The following FRMD5 variants were observed in gnomAD, a reference collection of about 807,000 sequenced individuals.
FRMD5 encodes FERM domain containing 5, also known as FERM domain-containing protein 5.
A neutral mutation model predicts 69.0 loss-of-function variants in FRMD5; 20 were observed. The observed-to-expected ratio is 0.29, with a 90% CI of 0.20 to 0.42. The LOEUF (loss-of-function observed/expected upper bound fraction) is 0.42. FRMD5 is among the 10% of genes least tolerant of loss of function. The pLI, the probability that FRMD5 is intolerant of heterozygous loss-of-function variation, is 1.00. For missense variants in FRMD5, 595 were observed against 708.6 expected (o/e 0.84, Z 1.82); for synonymous variants, 271 against 260.1 (o/e 1.04, Z -0.40).
chr15:44,017,773 AT>A (rs959780452), intron 1 of FRMD5, among the ~76,000 whole-genome samples: 2 of 150,636 alleles, frequency 1.3e-5, no homozygotes, highest in African/African-American at 2.4e-5. Context: ...GCCCAGCTAA[AT>A]TTTTTTTTGT....
intron 1 of FRMD5, among the ~76,000 whole-genome samples, chr15:44,127,811 G>T (rs1023806521): frequency 6.6e-6 from 1 of 152,232 alleles, no homozygotes; most frequent in Middle Eastern, 3.4e-3. Context: ...GGTTGAGGCT[G>T]CAGGGAGTTG....
At chr15:43,950,966 G>C in intron 1 of FRMD5, among the ~76,000 whole-genome samples, 1 of 152,122 alleles carries the variant, frequency 6.6e-6, no homozygotes, top group African/African-American at 2.4e-5. Flanking sequence ...TTCTTCCCTC[G>C]AAATGCGGTG....
Position 43,882,444 on chromosome 15 carries a change from C to T in FRMD5, c.1135+1259G>A, listed in dbSNP as rs147593935. ...CACGATCTCAGCTCACTGCAACCTC[C>T]GCCTCCTGGGTTCAAGCAATCCTCT... On this transcript the variant is annotated intron_variant, in intron 13 of 13. Transcript: ENST00000417257. 5.7e-3 allele frequency among the ~76,000 whole-genome samples: 867 copies of T among 152,084 alleles called. 4 individuals are homozygous for T. The highest frequency in any genetic ancestry group is 9.3e-3 in the Non-Finnish European group (631 of 67,970).
chr15:43,887,688 C>A (rs1017986635), intron 10 of FRMD5, among the ~76,000 whole-genome samples: 5 of 152,184 alleles, frequency 3.3e-5, no homozygotes, highest in African/African-American at 1.2e-4. Flanking sequence ...CATCCCAGAG[C>A]AGTTCTCATC....
chr15:44,024,209 A>G (rs1891333599), intron 1 of FRMD5, among the ~76,000 whole-genome samples: 1 of 151,580 alleles, frequency 6.6e-6, no homozygotes, highest in Admixed American at 6.6e-5. Flanking sequence ...ATTTGTTTTA[A>G]CTCCCTATGA....
rs114354677 is a variant in FRMD5 at position 44,064,514 on chromosome 15, G to A, written c.102+130439C>T. On this transcript the variant is annotated intron_variant, in intron 1 of 13. Transcript: ENST00000417257. ...TGAGGCAGGAGAATTGCTTGAACTCGGGATGCGGAGGGTGTGATGAGCCGA... is the reference window on the plus strand; with the variant it reads ...TGAGGCAGGAGAATTGCTTGAACTCAGGATGCGGAGGGTGTGATGAGCCGA... 2.1e-3 allele frequency among the ~76,000 whole-genome samples: 321 copies of A among 152,240 alleles called. 2 individuals are homozygous for A. Among genetic ancestry groups the A allele is most frequent in the African/African-American group, 7.5e-3 (313 of 41,538 alleles).
chr15:43,917,417 G>A (rs191625998), intron 4 of FRMD5, among the ~76,000 whole-genome samples: 100 of 152,156 alleles, frequency 6.6e-4, no homozygotes, highest in African/African-American at 2.2e-3. Context: ...TTGAGACAGA[G>A]TCTCACTGTG....
chr15:44,017,685 A>C (rs376983659), intron 1 of FRMD5, among the ~76,000 whole-genome samples: 1 of 149,496 alleles, frequency 6.7e-6, no homozygotes, highest in Admixed American at 6.7e-5. Flanking sequence ...GGCTCACTGC[A>C]AGCTCCGTCT....
At chr15:44,169,655 C>A (rs1338908527) in intron 1 of FRMD5, among the ~76,000 whole-genome samples, 2 of 152,032 alleles carry the variant, frequency 1.3e-5, no homozygotes, top group Non-Finnish European at 2.9e-5. Flanking sequence ...TTCTGGGGAC[C>A]CTTGCTTTAT....
At chr15:43,888,707 T>G in intron 9 of FRMD5, 102 bp downstream of exon 9, 1 of 930,852 alleles carries the variant, frequency 1.1e-6, no homozygotes, top group Non-Finnish European at 1.7e-6. Flanking sequence ...GCTTAGTATG[T>G]GGGTAGCTTG....
Position 43,889,613 on chromosome 15 carries a change from C to T in FRMD5, c.729-741G>A, listed in dbSNP as rs559372040. Among the ~76,000 whole-genome samples, 17 of 152,286 alleles carry T rather than the reference C, an allele frequency of 1.1e-4. 1 individual carries two copies. The South Asian group carries it at 2.3e-3, about 20-fold the overall frequency. On this transcript the variant is annotated intron_variant, in intron 8 of 13. Transcript: ENST00000417257. ...AGTGACATGGTTACTGTACATGGCA[C>T]GGCCTAGACCTCACCTCCACATCCA... is the stretch of plus-strand genomic sequence containing the variant.
At chr15:44,070,851 G>C (rs1474386052) in intron 1 of FRMD5, among the ~76,000 whole-genome samples, 1 of 152,150 alleles carries the variant, frequency 6.6e-6, no homozygotes, top group Non-Finnish European at 1.5e-5. Flanking sequence ...TGGCTAGAAA[G>C]TTGTTCCTTC....
intron 1 of FRMD5, among the ~76,000 whole-genome samples, chr15:44,091,372 A>C (rs1025054160): frequency 6.6e-6 from 1 of 152,164 alleles, no homozygotes; most frequent in Non-Finnish European, 1.5e-5. Flanking sequence ...GCACATGCAC[A>C]CACACACACA....
At chr15:43,974,829 A>C (rs1054223118) in intron 1 of FRMD5, among the ~76,000 whole-genome samples, 1 of 152,184 alleles carries the variant, frequency 6.6e-6, no homozygotes, top group African/African-American at 2.4e-5. Context: ...TGAAACAAAA[A>C]TTTTTCAAGA....
At chr15:44,146,824 G>A (rs974901017) in intron 1 of FRMD5, among the ~76,000 whole-genome samples, 2 of 151,858 alleles carry the variant, frequency 1.3e-5, no homozygotes, top group Non-Finnish European at 2.9e-5. Flanking sequence ...ATGTCCTTTG[G>A]CCACTTTTTA....
At chr15:43,981,301 C>A (rs2090545425) in intron 1 of FRMD5, among the ~76,000 whole-genome samples, 1 of 150,882 alleles carries the variant, frequency 6.6e-6, no homozygotes, top group Admixed American at 6.6e-5. Context: ...TGTATTCTTA[C>A]AATAAATTAG....
At chr15:43,964,247 TTATAAA>T (rs1440085685) in intron 1 of FRMD5, among the ~76,000 whole-genome samples, 2 of 152,108 alleles carry the variant, frequency 1.3e-5, no homozygotes, top group African/African-American at 4.8e-5. Flanking sequence ...TCAAAAGTCC[TTATAAA>T]TATAATAATT....
chr15:44,161,326 C>A (rs768790914), intron 1 of FRMD5, among the ~76,000 whole-genome samples: 2 of 152,182 alleles, frequency 1.3e-5, no homozygotes, highest in African/African-American at 4.8e-5. Flanking sequence ...GTCCTGCCTG[C>A]ACCTCTGAGT....
chr15:44,121,162 G>A (rs1350283238), intron 1 of FRMD5, among the ~76,000 whole-genome samples: 1 of 150,632 alleles, frequency 6.6e-6, no homozygotes, highest in African/African-American at 2.4e-5. Context: ...TGTTGATTTT[G>A]AGGAAACTAT....
Sources: allele counts gnomAD v4.1 joint callset (sites outside exome capture counted in the v4.1 genomes callset), GRCh38; gene constraint gnomAD v4.1.1; transcripts MANE v1.5; gene names NCBI Gene and HGNC (gene_info 2026-07-23, HGNC 2026-07-21).